The following GUCY1A2 variants were observed in gnomAD, a reference collection of about 807,000 sequenced individuals.
The protein encoded by GUCY1A2 is guanylate cyclase soluble subunit alpha-2.
GUCY1A2 carries 27 observed loss-of-function variants against 63.5 expected under a neutral mutation model. The ratio of observed to expected loss-of-function variants is 0.43; its 90% CI spans 0.31 to 0.59. The LOEUF (loss-of-function observed/expected upper bound fraction) is 0.59, where lower values mean the gene tolerates loss of function less well. Among genes scored for constraint, GUCY1A2 ranks in the 20% least tolerant of loss-of-function variants. GUCY1A2 has a pLI of 0.11. For synonymous variants in GUCY1A2, 364 were observed against 343.5 expected (o/e 1.06, Z -0.66); for missense variants, 768 against 913.3 (o/e 0.84, Z 2.05).
At chr11:106,695,388 T>C (rs11211867) in intron 7 of GUCY1A2, among the ~76,000 whole-genome samples, 26,371 of 152,186 alleles carry the variant, frequency 0.17, 2,459 homozygotes, top group Admixed American at 0.22. Flanking sequence ...AAATTATTCA[T>C]CTGAATATCT....
chr11:106,947,047 C>A (rs987125196), intron 3 of GUCY1A2, among the ~76,000 whole-genome samples: 1 of 151,858 alleles, frequency 6.6e-6, no homozygotes, highest in African/African-American at 2.4e-5. Context: ...TGAAACCCAT[C>A]TCTACTAAAA....
chr11:107,014,334 G>C (rs1861790608), intron 1 of GUCY1A2, among the ~76,000 whole-genome samples: 1 of 151,982 alleles, frequency 6.6e-6, no homozygotes, highest in Non-Finnish European at 1.5e-5. Flanking sequence ...TGATCTGCCT[G>C]CCTCGGCCTC....
At chr11:106,708,839 T>C (rs747190768) in intron 6 of GUCY1A2, among the ~76,000 whole-genome samples, 173 bp from the exon 7 acceptor site, 2 of 151,744 alleles carry the variant, frequency 1.3e-5, no homozygotes, top group Non-Finnish European at 2.9e-5. Flanking sequence ...TGGATCATTA[T>C]AGGGCTCAAA....
chr11:106,783,696 T>C (rs1864506676), intron 5 of GUCY1A2, among the ~76,000 whole-genome samples: 1 of 152,230 alleles, frequency 6.6e-6, no homozygotes, highest in Non-Finnish European at 1.5e-5. Flanking sequence ...GTTTAATGAT[T>C]ACCTTGTTTC....
intron 6 of GUCY1A2, among the ~76,000 whole-genome samples, chr11:106,710,012 T>TAC (rs1863070932): frequency 1.1e-4 from 1 of 9,284 alleles, no homozygotes; most frequent in African/African-American, 2.7e-4. Context: ...ATATAATAGT[T>TAC]ATATATATTA....
chr11:106,786,851 A>C (rs186691218), intron 5 of GUCY1A2, among the ~76,000 whole-genome samples: 1 of 152,284 alleles, frequency 6.6e-6, no homozygotes, highest in East Asian at 1.9e-4. Flanking sequence ...ACTCAATGTT[A>C]TTATTCTACC....
At chr11:106,959,898 G>A (rs7109634) in intron 3 of GUCY1A2, among the ~76,000 whole-genome samples, 23,299 of 152,182 alleles carry the variant, frequency 0.15, 2,126 homozygotes, top group South Asian at 0.26. Context: ...TCATTCTCAG[G>A]CCTTGAAACC....
At chr11:106,964,393 A>G (rs1295411150) in intron 3 of GUCY1A2, among the ~76,000 whole-genome samples, 2 of 152,194 alleles carry the variant, frequency 1.3e-5, no homozygotes, top group Non-Finnish European at 2.9e-5. Context: ...CTGTGGTTAC[A>G]AAGAGTTAAA....
intron 7 of GUCY1A2, among the ~76,000 whole-genome samples, chr11:106,693,678 C>T (rs1009636315): frequency 6.6e-6 from 1 of 152,092 alleles, no homozygotes; most frequent in African/African-American, 2.4e-5. Flanking sequence ...ATTATTCCCT[C>T]ATTTTAAAAC....
chr11:106,994,695 A>G (rs952744927), intron 1 of GUCY1A2, among the ~76,000 whole-genome samples: 4 of 152,230 alleles, frequency 2.6e-5, no homozygotes, highest in Non-Finnish European at 5.9e-5. Context: ...GGAAAGGAAC[A>G]CCATCAAGAC....
chr11:106,751,635 C>CAAAAT (rs200579318), intron 6 of GUCY1A2, among the ~76,000 whole-genome samples: 19 of 151,438 alleles, frequency 1.3e-4, no homozygotes, highest in Admixed American at 4.6e-4. Flanking sequence ...AGTATTTTCT[C>CAAAAT]AAAATAAAAT....
chr11:106,747,335 A>T (rs187248804), intron 6 of GUCY1A2, among the ~76,000 whole-genome samples: 124 of 152,280 alleles, frequency 8.1e-4, no homozygotes, highest in Admixed American at 1.2e-3. Flanking sequence ...AGTTAAATAA[A>T]TTTTTTAACC....
chr11:106,762,848 C>T (rs1472631925), intron 6 of GUCY1A2, among the ~76,000 whole-genome samples: 3 of 152,004 alleles, frequency 2.0e-5, no homozygotes, highest in Non-Finnish European at 4.4e-5. Flanking sequence ...CCTCATTAGG[C>T]TGGCCAAATG....
In GUCY1A2 at chr11:106,810,191, G is replaced by A. The variant is rs760835265; in HGVS notation, c.1494C>T (p.Phe498=). Residue 498 remains phenylalanine (F), a synonymous_variant, in exon 5 of 8, where the codon TTC becomes TTT. Coordinates refer to ENST00000526355, the MANE Select transcript of GUCY1A2 (RefSeq NM_000855.3). The part of the protein sequence containing the change: ...KKTVDLLYSI[F]PGDVAQQLWQ... ...ATAATTGCTGGGCTACATCACCAGGGAAAATAGAATATAGAAGATCCACTG... is the reference window on the plus strand; with the variant it reads ...ATAATTGCTGGGCTACATCACCAGGAAAAATAGAATATAGAAGATCCACTG... 6.2e-7 allele frequency: 1 copy of A among 1,613,872 alleles called. No individual in the cohort carries two copies. Among genetic ancestry groups the A allele is most frequent in the Non-Finnish European group, 8.5e-7 (1 of 1,179,816 alleles).
rs374087717 is a variant in GUCY1A2, at chr11:106,894,270, T to C, written c.1206+45190A>G. The stretch of plus-strand genomic sequence containing the variant: ...AAGACATAACAATCCTTAATGTGTA[T>C]GTGCCGAACAACAGAGTGTCAAAAC... On this transcript the variant is annotated intron_variant, in intron 4 of 7. Coordinates refer to ENST00000526355, the MANE Select transcript of GUCY1A2 (RefSeq NM_000855.3). Among the ~76,000 whole-genome samples, 5 of 152,178 alleles carry C rather than the reference T, an allele frequency of 3.3e-5. No individual in the cohort carries two copies. The South Asian group carries it at 6.2e-4, about 19-fold the overall frequency.
intron 4 of GUCY1A2, among the ~76,000 whole-genome samples, chr11:106,856,082 C>A (rs1859429832): frequency 6.7e-6 from 1 of 149,492 alleles, no homozygotes; most frequent in African/African-American, 2.5e-5. Flanking sequence ...TGTGCCACCA[C>A]ACCTGGCTAA....
intron 5 of GUCY1A2, among the ~76,000 whole-genome samples, chr11:106,789,086 C>T (rs751090888): frequency 6.6e-6 from 1 of 151,884 alleles, no homozygotes; most frequent in Non-Finnish European, 1.5e-5. Context: ...AATATATTTC[C>T]ATTTTTTGTG....
At chr11:106,712,940 A>G (rs4528295) in intron 6 of GUCY1A2, among the ~76,000 whole-genome samples, 93,049 of 152,010 alleles carry the variant, frequency 0.61, 29,215 homozygotes, top group African/African-American at 0.74. Flanking sequence ...TGCAGAATAC[A>G]TAATGAGGAT....
chr11:106,884,767 A>T (rs1004450299), intron 4 of GUCY1A2, among the ~76,000 whole-genome samples: 5 of 152,100 alleles, frequency 3.3e-5, no homozygotes, highest in Non-Finnish European at 7.4e-5. Flanking sequence ...TATAATTTTT[A>T]ACCCATTTAA....
Sources: allele counts gnomAD v4.1 joint callset (sites outside exome capture counted in the v4.1 genomes callset), GRCh38; gene constraint gnomAD v4.1.1; transcripts MANE v1.5; gene names NCBI Gene and HGNC (gene_info 2026-07-23, HGNC 2026-07-21).